EXT1: variants seen among roughly 807,000 people sequenced by gnomAD.
EXT1 encodes the protein exostosin glycosyltransferase 1.
A neutral mutation model predicts 82.5 loss-of-function variants in EXT1; 20 were observed. The ratio of observed to expected loss-of-function variants is 0.24; its 90% CI spans 0.17 to 0.35. The LOEUF (loss-of-function observed/expected upper bound fraction) is 0.35, where lower values mean the gene tolerates loss of function less well. Ranked by LOEUF, EXT1 falls within the 10% of genes least tolerant of loss-of-function variation. The pLI, the probability that EXT1 is intolerant of heterozygous loss-of-function variation, is 1.00. For synonymous variants in EXT1, 348 were observed against 350.8 expected (o/e 0.99, Z 0.09); for missense variants, 757 against 936.5 (o/e 0.81, Z 2.50).
chr8:118,024,595 C>T (rs997703191), intron 1 of EXT1, among the ~76,000 whole-genome samples: 21 of 151,882 alleles, frequency 1.4e-4, no homozygotes, highest in Non-Finnish European at 2.5e-4. Flanking sequence ...CAGAAAGATG[C>T]TATTTAAATA....
At chr8:118,005,426 A>C (rs147783362) in intron 1 of EXT1, among the ~76,000 whole-genome samples, 2 of 152,346 alleles carry the variant, frequency 1.3e-5, no homozygotes, top group African/African-American at 4.8e-5. Flanking sequence ...CAGCAAAACA[A>C]AACAGCAGCA....
intron 1 of EXT1, among the ~76,000 whole-genome samples, chr8:118,094,920 T>C (rs1200868469): frequency 2.0e-5 from 3 of 152,200 alleles, no homozygotes; most frequent in Non-Finnish European, 2.9e-5. Flanking sequence ...TCCACAATCT[T>C]ATTGCTCTTC....
intron 1 of EXT1, among the ~76,000 whole-genome samples, chr8:117,908,762 A>G (rs1273990805): frequency 6.6e-6 from 1 of 152,240 alleles, no homozygotes; most frequent in Admixed American, 6.5e-5. Flanking sequence ...TTTATAAACA[A>G]TTAAATTGAT....
intron 1 of EXT1, among the ~76,000 whole-genome samples, chr8:117,923,120 T>A (rs576262079): frequency 4.0e-5 from 6 of 149,732 alleles, no homozygotes; most frequent in Non-Finnish European, 7.4e-5. Context: ...AGGTCAGGAG[T>A]TCGAGACCAG....
chr8:118,020,705 G>A (rs1418154979), intron 1 of EXT1, among the ~76,000 whole-genome samples: 1 of 152,176 alleles, frequency 6.6e-6, no homozygotes. Context: ...GGATGAAGGA[G>A]AGGAGATCTC....
intron 1 of EXT1, among the ~76,000 whole-genome samples, chr8:118,064,372 CCT>C (rs1816938829): frequency 6.6e-6 from 1 of 152,096 alleles, no homozygotes; most frequent in African/African-American, 2.4e-5. Flanking sequence ...TGTGCCCCTC[CCT>C]GTGTCCATGT....
intron 8 of EXT1, among the ~76,000 whole-genome samples, chr8:117,807,933 G>C (rs1409395334): frequency 6.6e-6 from 1 of 151,960 alleles, no homozygotes; most frequent in Non-Finnish European, 1.5e-5. Flanking sequence ...CATAATTCAG[G>C]CTTCTTAGGT....
At chr8:117,831,850 A>G (rs1271009726) in intron 3 of EXT1, among the ~76,000 whole-genome samples, 1 of 152,210 alleles carries the variant, frequency 6.6e-6, no homozygotes, top group Non-Finnish European at 1.5e-5. Context: ...TGGTTTGACA[A>G]TGTCCAAAAC....
At chr8:117,873,916 A>G (rs1166708197) in intron 1 of EXT1, among the ~76,000 whole-genome samples, 3 of 152,270 alleles carry the variant, frequency 2.0e-5, no homozygotes, top group African/African-American at 7.2e-5. Flanking sequence ...AAAACATAAC[A>G]TACTATGGCT....
chr8:118,010,444 C>G (rs1815875597), intron 1 of EXT1, among the ~76,000 whole-genome samples: 1 of 151,486 alleles, frequency 6.6e-6, no homozygotes, highest in African/African-American at 2.4e-5. Context: ...TATTTCACCT[C>G]TACCCAAATC....
Position 118,084,708 on chromosome 8 carries a change from T to C in EXT1, c.962+25377A>G, listed in dbSNP as rs547109267. ...CTAGGGCATGGCATTAGGGAAGCGTTTGATTCCAGAGCCCAGTTCATGCGG... is the reference window on the plus strand; with the variant it reads ...CTAGGGCATGGCATTAGGGAAGCGTCTGATTCCAGAGCCCAGTTCATGCGG... On this transcript the variant is annotated intron_variant, in intron 1 of 10. Transcript: ENST00000378204. 9.9e-5 allele frequency among the ~76,000 whole-genome samples: 15 copies of C among 152,284 alleles called. No individual in the cohort carries two copies. In the East Asian group the frequency reaches 2.5e-3, roughly 25 times the overall value.
chr8:117,865,600 CTT>C, intron 1 of EXT1, among the ~76,000 whole-genome samples: 1 of 152,336 alleles, frequency 6.6e-6, no homozygotes, highest in East Asian at 1.9e-4. Context: ...TGTTCCCTAT[CTT>C]CCTCATTCTA....
chr8:118,079,215 T>C (rs1817265484), intron 1 of EXT1, among the ~76,000 whole-genome samples: 2 of 152,296 alleles, frequency 1.3e-5, no homozygotes, highest in South Asian at 4.1e-4. Context: ...TACTGAAATA[T>C]TAAGGAAATT....
At chr8:117,917,158 T>C (rs1813767713) in intron 1 of EXT1, among the ~76,000 whole-genome samples, 2 of 152,152 alleles carry the variant, frequency 1.3e-5, no homozygotes. Flanking sequence ...AATAGCTTCT[T>C]ACAACTACAG....
intron 1 of EXT1, among the ~76,000 whole-genome samples, chr8:117,977,824 G>T (rs1238638737): frequency 6.8e-6 from 1 of 147,918 alleles, no homozygotes; most frequent in Admixed American, 6.7e-5. Context: ...ACATAATAAA[G>T]AATTTAAATT....
intron 1 of EXT1, among the ~76,000 whole-genome samples, chr8:117,843,370 C>T (rs1179296058): frequency 6.6e-6 from 1 of 152,144 alleles, no homozygotes; most frequent in Non-Finnish European, 1.5e-5. Flanking sequence ...GGGTGTTATA[C>T]AGAGAAGAGA....
At chr8:117,902,357 C>T (rs1320545341) in intron 1 of EXT1, among the ~76,000 whole-genome samples, 2 of 152,184 alleles carry the variant, frequency 1.3e-5, no homozygotes, top group Admixed American at 1.3e-4. Flanking sequence ...TTGTCATTAG[C>T]AAGTACTATG....
At chr8:118,056,070 G>A (rs1816789118) in intron 1 of EXT1, among the ~76,000 whole-genome samples, 2 of 127,016 alleles carry the variant, frequency 1.6e-5, no homozygotes. Context: ...TAGCTGATGA[G>A]CTAGGAAAAA....
At chr8:117,847,906 A>G (rs1268328445) in intron 1 of EXT1, among the ~76,000 whole-genome samples, 1 of 152,172 alleles carries the variant, frequency 6.6e-6, no homozygotes, top group Non-Finnish European at 1.5e-5. Flanking sequence ...ATCCAATGAC[A>G]GTTTGTGGAA....
Sources: gnomAD v4.1 joint callset for allele counts (sites outside exome capture counted in the v4.1 genomes callset) on GRCh38, gnomAD v4.1.1 for gene constraint, MANE v1.5 for transcripts, NCBI Gene and HGNC (gene_info 2026-07-23, HGNC 2026-07-21) for gene names.